KMT5A: variants seen among roughly 807,000 people sequenced by gnomAD.
The protein encoded by KMT5A is lysine methyltransferase 5A, also known as N-lysine methyltransferase KMT5A.
In KMT5A, 6 loss-of-function variants were observed where a neutral mutation model predicts 40.6. That is an observed-to-expected ratio of 0.15 (90% CI 0.08 to 0.29). The LOEUF (loss-of-function observed/expected upper bound fraction) is 0.29, where lower values mean the gene tolerates loss of function less well. Ranked by LOEUF, KMT5A falls within the 10% of genes least tolerant of loss-of-function variation. The pLI is 1.00. For synonymous variants in KMT5A, 153 were observed against 178.8 expected, an observed-to-expected ratio of 0.86 and a Z score of 1.15; for missense variants, 308 against 459.1, an observed-to-expected ratio of 0.67 and a Z score of 3.01.
At chr12:123,389,940 G>A (rs1316395736) in intron 2 of KMT5A, 12 of 409,054 alleles carry the variant, frequency 2.9e-5, no homozygotes, top group Non-Finnish European at 5.3e-5. Context: ...ACTCAGAGGA[G>A]GGGCCCCACG....
At chr12:123,393,806 C>T (rs1677791626) in intron 3 of KMT5A, among the ~76,000 whole-genome samples, 1 of 152,106 alleles carries the variant, frequency 6.6e-6, no homozygotes, top group Non-Finnish European at 1.5e-5. Context: ...CCCTTCATTC[C>T]TTTTTATGGC....
At chr12:123,386,290 G>A (rs992996593) in intron 1 of KMT5A, among the ~76,000 whole-genome samples, 1 of 137,340 alleles carries the variant, frequency 7.3e-6, no homozygotes, top group Non-Finnish European at 1.5e-5. Flanking sequence ...ATTTCAGCCC[G>A]CTTCACCCTC....
chr12:123,388,910 C>T (rs1221232528), intron 1 of KMT5A: 4 of 146,564 alleles, frequency 2.7e-5, no homozygotes, highest in African/African-American at 9.9e-5. Context: ...CCGCCCCTAC[C>T]AGCCCCCTCC....
chr12:123,393,276 C>G (rs1877446800), intron 3 of KMT5A, among the ~76,000 whole-genome samples: 2 of 152,094 alleles, frequency 1.3e-5, no homozygotes, highest in South Asian at 4.2e-4. Context: ...TTAGTATATT[C>G]ACAGGGTTGC....
At chr12:123,388,235 G>A (rs1013485537) in intron 1 of KMT5A, among the ~76,000 whole-genome samples, 1 of 152,240 alleles carries the variant, frequency 6.6e-6, no homozygotes, top group Non-Finnish European at 1.5e-5. Flanking sequence ...GTAGTGGCTG[G>A]GAGGGCAAGG....
At chr12:123,395,438 T>G (rs886517171) in intron 4 of KMT5A, among the ~76,000 whole-genome samples, 172 bp downstream of exon 4, 3 of 152,200 alleles carry the variant, frequency 2.0e-5, no homozygotes. Flanking sequence ...TGTCAGTTTC[T>G]GGATCTGGCA....
intron 5 of KMT5A, among the ~76,000 whole-genome samples, chr12:123,402,008 C>T (rs952823266): frequency 6.6e-6 from 1 of 152,160 alleles, no homozygotes; most frequent in Admixed American, 6.5e-5. Flanking sequence ...TCCTCAGCCT[C>T]TAGAGTAGCT....
At position 123,390,748 on chromosome 12, in the gene KMT5A, A is replaced by T. The variant is rs538887430; in HGVS notation, c.251A>T (p.Gln84Leu). ...NSVTHHEVKCQGKPLAGIYRK... is the reference protein window; with the variant it reads ...NSVTHHEVKCLGKPLAGIYRK... The stretch of plus-strand genomic sequence containing the variant: ...GTTACACATCACGAAGTCAAATGCC[A>T]GGGGAAACCATTAGCCGGAATCTAC... Residue 84 changes from glutamine (Q) to leucine (L), a missense_variant, in exon 3 of 8, where the codon CAG (glutamine) becomes CTG (leucine). Gln to Leu is a moderately radical substitution (Grantham distance 113). This residue lies in a region of KMT5A where 127 missense variants were observed against 129.8 expected (regional missense o/e 0.98). Coordinates refer to ENST00000402868, the MANE Select transcript of KMT5A (RefSeq NM_020382.7). 1.1e-5 allele frequency: 17 copies of T among 1,613,828 alleles called. No homozygotes were observed. The highest frequency in any genetic ancestry group is 1.4e-5 in the Non-Finnish European group (17 of 1,179,856).
intron 3 of KMT5A, among the ~76,000 whole-genome samples, chr12:123,391,958 C>T (rs1199416227): frequency 6.6e-6 from 1 of 152,230 alleles, no homozygotes; most frequent in Non-Finnish European, 1.5e-5. Context: ...ATTTGATCTT[C>T]AGATGACTTG....
chr12:123,407,326 G>A (rs906868599), intron 7 of KMT5A, among the ~76,000 whole-genome samples, 167 bp from the exon 8 acceptor site: 4 of 152,116 alleles, frequency 2.6e-5, no homozygotes, highest in Admixed American at 6.6e-5. Context: ...GTTACGGAGC[G>A]AGACCCCCTC....
chr12:123,404,231 C>T (rs927519571), intron 6 of KMT5A, among the ~76,000 whole-genome samples: 1 of 152,160 alleles, frequency 6.6e-6, no homozygotes, highest in Non-Finnish European at 1.5e-5. Flanking sequence ...TCAGTTTGGG[C>T]GAGAGGAGAA....
intron 5 of KMT5A, among the ~76,000 whole-genome samples, chr12:123,402,520 A>G (rs779146961): frequency 1.7e-4 from 26 of 152,166 alleles, no homozygotes; most frequent in Non-Finnish European, 3.7e-4. Context: ...GACACGTGCC[A>G]TCTGGTTTGG....
At chr12:123,389,909 C>T (rs772451235) in intron 2 of KMT5A, 9 of 362,442 alleles carry the variant, frequency 2.5e-5, no homozygotes, top group Non-Finnish European at 4.3e-5. Context: ...CTTCTGGGGA[C>T]GCCCTCCTCC....
intron 1 of KMT5A, among the ~76,000 whole-genome samples, chr12:123,386,786 G>A (rs934758523): frequency 2.6e-5 from 4 of 152,080 alleles, no homozygotes; most frequent in African/African-American, 9.7e-5. Context: ...TTGGTTGGTT[G>A]CCCTCCTCAT....
chr12:123,398,819 C>G (rs1877938930), intron 5 of KMT5A, among the ~76,000 whole-genome samples: 1 of 152,268 alleles, frequency 6.6e-6, no homozygotes, highest in Non-Finnish European at 1.5e-5. Context: ...CCTGACTTGA[C>G]TGCCATGCTG....
At chr12:123,399,921 T>G (rs1488276003) in intron 5 of KMT5A, among the ~76,000 whole-genome samples, 1 of 152,168 alleles carries the variant, frequency 6.6e-6, no homozygotes, top group Admixed American at 6.5e-5. Context: ...CCTCCCGGGT[T>G]CAAGTGATTC....
At chr12:123,389,144 G>GCA (rs1877068675) in intron 1 of KMT5A, 1 of 2,294 alleles carries the variant, frequency 4.4e-4, no homozygotes, top group Non-Finnish European at 9.5e-4. Context: ...CGGCGGCGAG[G>GCA]GCGCGGGGCG....
At position 123,404,853 on chromosome 12, in the gene KMT5A, T is replaced by C. The variant is rs752325210; in HGVS notation, c.658-31T>C. On this transcript the variant is annotated intron_variant, in intron 6 of 7. Transcript: ENST00000402868. ...TGCACAGTGGCATCCATTGCTATTA[T>C]GAACCAACACCCTCTCTTATCACCT... The C allele has an allele frequency of 7.1e-5, 113 of 1,594,644 alleles. No individual in the cohort carries two copies. The Middle Eastern group carries it at 4.1e-3, about 58-fold the overall frequency.
intron 6 of KMT5A, 63 bp from the exon 7 acceptor site, chr12:123,404,821 C>T (rs1271275026): frequency 6.6e-7 from 1 of 1,510,206 alleles, no homozygotes; most frequent in East Asian, 2.3e-5. Flanking sequence ...TCCCCGGAGA[C>T]CTGCTGTGCA....
Sources: allele counts gnomAD v4.1 joint callset (sites outside exome capture counted in the v4.1 genomes callset), GRCh38; gene constraint gnomAD v4.1.1; regional missense constraint gnomAD v4.1.1; transcripts MANE v1.5; gene names NCBI Gene and HGNC (gene_info 2026-07-23, HGNC 2026-07-21).